ME3: variants seen among roughly 807,000 people sequenced by gnomAD.
ME3 encodes the protein malic enzyme 3.
A neutral mutation model predicts 68.9 loss-of-function variants in ME3; 48 were observed. The ratio of observed to expected loss-of-function variants is 0.70; its 90% CI spans 0.55 to 0.89. ME3 has a LOEUF of 0.89. Ranked by LOEUF, ME3 falls within the 40% of genes least tolerant of loss-of-function variation. The pLI, the probability that ME3 is intolerant of heterozygous loss-of-function variation, is 0.00. For missense variants in ME3, 675 were observed against 797.4 expected, an observed-to-expected ratio of 0.85 and a Z score of 1.85; for synonymous variants, 320 against 318.8, an observed-to-expected ratio of 1.00 and a Z score of -0.04.
intron 2 of ME3, among the ~76,000 whole-genome samples, chr11:86,623,333 T>A (rs1258597409): frequency 1.3e-5 from 2 of 152,204 alleles, no homozygotes; most frequent in African/African-American, 2.4e-5. Context: ...ATACCCTGGC[T>A]CTCCTCATTC....
intron 2 of ME3, among the ~76,000 whole-genome samples, chr11:86,645,387 C>A (rs550661538): frequency 6.6e-6 from 1 of 152,234 alleles, no homozygotes; most frequent in African/African-American, 2.4e-5. Context: ...GGAGGGGTGT[C>A]CACCATTTCT....
chr11:86,446,568 G>T, intron 12 of ME3, 81 bp from the exon 13 acceptor site: 1 of 1,376,036 alleles, frequency 7.3e-7, no homozygotes, highest in Non-Finnish European at 1.0e-6. Flanking sequence ...TCTTCCAAAT[G>T]TTGGACCCTT....
At chr11:86,494,520 G>C (rs1004485128) in intron 6 of ME3, among the ~76,000 whole-genome samples, 2 of 152,062 alleles carry the variant, frequency 1.3e-5, no homozygotes, top group African/African-American at 4.8e-5. Flanking sequence ...CTCACCCCCG[G>C]GGCACATAGG....
chr11:86,566,852 C>G (rs1304274793), intron 2 of ME3, among the ~76,000 whole-genome samples: 1 of 152,064 alleles, frequency 6.6e-6, no homozygotes, highest in African/African-American at 2.4e-5. Flanking sequence ...CACATCCTCC[C>G]AGGACGTTGG....
At chr11:86,561,787 C>T (rs1957249470) in intron 2 of ME3, among the ~76,000 whole-genome samples, 1 of 152,188 alleles carries the variant, frequency 6.6e-6, no homozygotes, top group Non-Finnish European at 1.5e-5. Context: ...ATAAACTCCA[C>T]TCATTTCCGA....
intron 8 of ME3, among the ~76,000 whole-genome samples, chr11:86,464,710 T>A (rs1426651297): frequency 6.6e-6 from 1 of 152,226 alleles, no homozygotes; most frequent in Non-Finnish European, 1.5e-5. Flanking sequence ...CTTGTAAATT[T>A]TCACCATGCT....
intron 2 of ME3, among the ~76,000 whole-genome samples, chr11:86,623,703 G>C (rs189720066): frequency 6.6e-6 from 1 of 152,312 alleles, no homozygotes; most frequent in Non-Finnish European, 1.5e-5. Flanking sequence ...CAATGTTATA[G>C]AAATAACAAC....
At chr11:86,547,816 A>G (rs1956455246) in intron 4 of ME3, among the ~76,000 whole-genome samples, 1 of 152,188 alleles carries the variant, frequency 6.6e-6, no homozygotes, top group South Asian at 2.1e-4. Context: ...TCTCAGGGCT[A>G]GGAAATTCTC....
intron 8 of ME3, among the ~76,000 whole-genome samples, chr11:86,453,788 C>G (rs3781812): frequency 6.6e-6 from 1 of 152,090 alleles, no homozygotes; most frequent in African/African-American, 2.4e-5. Flanking sequence ...GTTCCTGAAG[C>G]AGAAGTTGAA....
chr11:86,611,929 TTTTTTA>T (rs1942610400), intron 2 of ME3, among the ~76,000 whole-genome samples: 2 of 57,820 alleles, frequency 3.5e-5, no homozygotes, highest in African/African-American at 1.9e-4. Context: ...GGTTTACTCT[TTTTTTA>T]TTTTTAATTT....
intron 7 of ME3, among the ~76,000 whole-genome samples, chr11:86,486,275 C>A (rs1477205982): frequency 6.6e-6 from 1 of 152,188 alleles, no homozygotes; most frequent in Non-Finnish European, 1.5e-5. Context: ...GGATCATTTC[C>A]ACCTTATATA....
At chr11:86,600,156 G>T (rs1960345850) in intron 2 of ME3, among the ~76,000 whole-genome samples, 1 of 152,056 alleles carries the variant, frequency 6.6e-6, no homozygotes, top group South Asian at 2.1e-4. Context: ...ACACAGACTG[G>T]CAAATTGGAT....
At chr11:86,631,116 T>C (rs1943987176) in intron 2 of ME3, among the ~76,000 whole-genome samples, 1 of 152,208 alleles carries the variant, frequency 6.6e-6, no homozygotes, top group Admixed American at 6.5e-5. Flanking sequence ...GGAAGGATGC[T>C]ATGTACCGAA....
chr11:86,441,478 A>C, intron 14 of ME3, 38 bp from the exon 15 acceptor site: 3 of 1,535,598 alleles, frequency 2.0e-6, no homozygotes, highest in Non-Finnish European at 1.8e-6. Flanking sequence ...ACCGGATCTA[A>C]GGGGAAACCT....
At chr11:86,453,442 G>T (rs1313661751) in intron 8 of ME3, among the ~76,000 whole-genome samples, 1 of 152,150 alleles carries the variant, frequency 6.6e-6, no homozygotes, top group Non-Finnish European at 1.5e-5. Flanking sequence ...CCACTTTTCA[G>T]CTTTGCCAAC....
intron 7 of ME3, among the ~76,000 whole-genome samples, chr11:86,466,042 G>A (rs1382182429): frequency 1.3e-5 from 2 of 152,150 alleles, no homozygotes; most frequent in Admixed American, 1.3e-4. Context: ...TGCTAGCATT[G>A]CCTCCTAGAT....
At chr11:86,464,997 G>C (rs536461690) in intron 8 of ME3, 94 bp downstream of exon 8, 1 of 974,440 alleles carries the variant, frequency 1.0e-6, no homozygotes, top group Non-Finnish European at 1.6e-6. Context: ...ACCAACTATG[G>C]GGTGACAGCC....
intron 2 of ME3, among the ~76,000 whole-genome samples, chr11:86,617,976 C>T (rs17757676): frequency 0.44 from 66,211 of 151,778 alleles, 15,068 homozygotes; most frequent in East Asian, 0.7. Flanking sequence ...TATTCAATAT[C>T]GGACCTGGAG....
intron 4 of ME3, among the ~76,000 whole-genome samples, chr11:86,553,316 C>T (rs1956784710): frequency 1.3e-5 from 2 of 152,192 alleles, no homozygotes; most frequent in Admixed American, 1.3e-4. Flanking sequence ...GGCCAGACAC[C>T]ATTACAGAGG....
Sources: allele counts gnomAD v4.1 joint callset (sites outside exome capture counted in the v4.1 genomes callset), GRCh38; gene constraint gnomAD v4.1.1; transcripts MANE v1.5; gene names NCBI Gene and HGNC (gene_info 2026-07-23, HGNC 2026-07-21).